Variants in ITFG1 observed in about 807,000 individuals in gnomAD.
ITFG1 encodes the protein T-cell immunomodulatory protein.
ITFG1 carries 34 observed loss-of-function variants against 81.8 expected under a neutral mutation model. The ratio of observed to expected loss-of-function variants is 0.42; its 90% CI spans 0.32 to 0.55. The LOEUF (loss-of-function observed/expected upper bound fraction) is 0.55. Ranked by LOEUF, ITFG1 falls within the 20% of genes least tolerant of loss-of-function variation. The pLI is 0.17. For synonymous variants in ITFG1, 285 were observed against 270.6 expected (o/e 1.05, Z -0.52); for missense variants, 672 against 755.4 (o/e 0.89, Z 1.29).
chr16:47,351,701 GA>G (rs1446455975), intron 8 of ITFG1, among the ~76,000 whole-genome samples: 1 of 140,954 alleles, frequency 7.1e-6, no homozygotes, highest in Non-Finnish European at 1.5e-5. Flanking sequence ...CAGAGAATTG[GA>G]AAAAGCTACT....
chr16:47,328,494 C>T (rs1419757911), intron 8 of ITFG1, among the ~76,000 whole-genome samples: 2 of 151,564 alleles, frequency 1.3e-5, no homozygotes, highest in Non-Finnish European at 2.9e-5. Context: ...AAAAATCAAA[C>T]CATATATAAC....
rs1272139644 is a variant in ITFG1 at position 47,214,969 on chromosome 16, CAACT to C, written c.1453+3895_1453+3898del. Among the ~76,000 whole-genome samples, 17 of 151,284 alleles carry C rather than the reference CAACT, an allele frequency of 1.1e-4. No individual in the cohort carries two copies. In the East Asian group the frequency reaches 3.3e-3, roughly 29 times the overall value. On this transcript the variant is annotated intron_variant, in intron 14 of 17. Coordinates refer to ENST00000320640, the MANE Select transcript of ITFG1 (RefSeq NM_030790.5). ...ACACACACACACACACACGCACGCACAACTAAATAAAAATTTCATGAAACAATAC... is the reference window on the plus strand; with the variant it reads ...ACACACACACACACACACGCACGCACAAATAAAAATTTCATGAAACAATAC...
chr16:47,354,217 A>G (rs1968007662), intron 8 of ITFG1, among the ~76,000 whole-genome samples: 1 of 152,138 alleles, frequency 6.6e-6, no homozygotes. Flanking sequence ...ATAGACCAAT[A>G]GAACAGAATA....
intron 12 of ITFG1, among the ~76,000 whole-genome samples, chr16:47,242,377 GA>G (rs1965945251): frequency 6.6e-6 from 1 of 150,664 alleles, no homozygotes; most frequent in South Asian, 2.1e-4. Flanking sequence ...CACCAGTTAG[GA>G]AAAAACCAAT....
chr16:47,397,615 G>A (rs1363683258), intron 6 of ITFG1, among the ~76,000 whole-genome samples: 3 of 152,130 alleles, frequency 2.0e-5, no homozygotes, highest in Non-Finnish European at 4.4e-5. Flanking sequence ...AGCCAGGTAT[G>A]GTGCTAAACT....
intron 2 of ITFG1, among the ~76,000 whole-genome samples, chr16:47,458,707 CACTG>C (rs1969483200): frequency 6.6e-6 from 1 of 152,076 alleles, no homozygotes; most frequent in Non-Finnish European, 1.5e-5. Context: ...AAAATTAGAA[CACTG>C]ACTTTTTCCC....
At chr16:47,426,498 A>C (rs1464023865) in intron 6 of ITFG1, 1 of 149,130 alleles carries the variant, frequency 6.7e-6, no homozygotes, top group Non-Finnish European at 1.5e-5. Flanking sequence ...ACACCTTATT[A>C]TTGAGGTTTT....
chr16:47,362,702 G>C (rs1968124696), intron 8 of ITFG1, among the ~76,000 whole-genome samples: 1 of 152,126 alleles, frequency 6.6e-6, no homozygotes, highest in African/African-American at 2.4e-5. Context: ...CCCTTTCTCA[G>C]CTTAGGATAA....
At chr16:47,237,341 C>T (rs1364517772) in intron 13 of ITFG1, among the ~76,000 whole-genome samples, 1 of 152,148 alleles carries the variant, frequency 6.6e-6, no homozygotes, top group Non-Finnish European at 1.5e-5. Flanking sequence ...GTCTCAGTTT[C>T]CTTGTCTTTA....
chr16:47,349,767 G>GCACCA (rs565726640), intron 8 of ITFG1, among the ~76,000 whole-genome samples: 29 of 152,292 alleles, frequency 1.9e-4, no homozygotes, highest in Middle Eastern at 6.8e-3. Context: ...ATTCTTCTCA[G>GCACCA]CACCACACCA....
rs11860698 is a variant in ITFG1, at chr16:47,401,489, T to C, written c.656-25549A>G. On this transcript the variant is annotated intron_variant, in intron 6 of 17. Transcript: ENST00000320640. Reference sequence around the variant, plus strand: ...ACAAAATCCTGAGCTTTACCCACACTTATGGGACATTGAAAAGAAAAAGGG... The same window carrying C: ...ACAAAATCCTGAGCTTTACCCACACCTATGGGACATTGAAAAGAAAAAGGG... Among the ~76,000 whole-genome samples the C allele has an allele frequency of 7.5e-3, 1,138 of 152,204 alleles. 18 individuals carry two copies. The highest frequency in any genetic ancestry group is 0.026 in the African/African-American group (1,078 of 41,528).
At chr16:47,449,060 G>C (rs1384518475) in intron 5 of ITFG1, 1 of 152,090 alleles carries the variant, frequency 6.6e-6, no homozygotes, top group Non-Finnish European at 1.5e-5. Context: ...TGCACCTTTA[G>C]TCCAGCCAAA....
chr16:47,168,588 A>G (rs1369456956), intron 14 of ITFG1, among the ~76,000 whole-genome samples: 2 of 131,844 alleles, frequency 1.5e-5, no homozygotes, highest in Non-Finnish European at 3.1e-5. Flanking sequence ...AGGTCTCACT[A>G]TATTGCCCAT....
intron 10 of ITFG1, among the ~76,000 whole-genome samples, chr16:47,280,303 T>A (rs908618457): frequency 2.0e-5 from 3 of 152,180 alleles, no homozygotes; most frequent in African/African-American, 4.8e-5. Context: ...TTCCCATATT[T>A]CTGAGAGGTT....
intron 6 of ITFG1, among the ~76,000 whole-genome samples, chr16:47,406,915 T>C (rs1014974052): frequency 6.6e-6 from 1 of 152,028 alleles, no homozygotes; most frequent in African/African-American, 2.4e-5. Context: ...GCAGAGAAAA[T>C]AGTTATTCAA....
At chr16:47,223,421 T>G (rs1965717650) in intron 13 of ITFG1, among the ~76,000 whole-genome samples, 1 of 152,086 alleles carries the variant, frequency 6.6e-6, no homozygotes, top group Admixed American at 6.6e-5. Flanking sequence ...AACAGACACT[T>G]CTCAAAAGAA....
At position 47,451,462 on chromosome 16, in the gene ITFG1, C is replaced by T. The variant is rs1217752927; in HGVS notation, c.494G>A (p.Gly165Asp). ...QDEPLIMDFN[G>D]DLIPDIFGIT... ...ACCAAAAATATCAGGAATTAGATCACCATTGAAACTGAAAAAAAATTAAAA... is the reference window on the plus strand; with the variant it reads ...ACCAAAAATATCAGGAATTAGATCATCATTGAAACTGAAAAAAAATTAAAA... Residue 165 changes from glycine to aspartate, a missense_variant, in exon 5 of 18, where the codon GGT (glycine) becomes GAT (aspartate). Transcript: ENST00000320640. 1 of 1,551,306 alleles carries T rather than the reference C, an allele frequency of 6.4e-7. No individual in the cohort carries two copies. Among genetic ancestry groups the T allele is most frequent in the Non-Finnish European group, 8.9e-7 (1 of 1,126,760 alleles).
rs190689736 is a variant in ITFG1, at chr16:47,439,545, A to C, written c.561-10647T>G. Among the ~76,000 whole-genome samples the C allele has an allele frequency of 1.9e-3, 286 of 152,326 alleles. 3 individuals are homozygous for C. The Middle Eastern group carries it at 0.02, about 11-fold the overall frequency. On this transcript the variant is annotated intron_variant, in intron 5 of 17. Coordinates refer to ENST00000320640, the MANE Select transcript of ITFG1 (RefSeq NM_030790.5). ...GGGCCAATATTCAACATTCTTAAAG[A>C]AAAGAATTTTCAACCCAGATTTTCA...
At chr16:47,356,056 TTAAGGTAAGGATA>T (rs1409999276) in intron 8 of ITFG1, among the ~76,000 whole-genome samples, 1 of 152,130 alleles carries the variant, frequency 6.6e-6, no homozygotes, top group African/African-American at 2.4e-5. Flanking sequence ...TGTATAGTGT[TTAAGGTAAGGATA>T]CAGCTTGTGA....
Sources: allele counts gnomAD v4.1 joint callset (sites outside exome capture counted in the v4.1 genomes callset), GRCh38; gene constraint gnomAD v4.1.1; transcripts MANE v1.5; gene names NCBI Gene and HGNC (gene_info 2026-07-23, HGNC 2026-07-21).